DPYD: variants seen among roughly 807,000 people sequenced by gnomAD.
The protein encoded by DPYD is dihydropyrimidine dehydrogenase, also known as dihydropyrimidine dehydrogenase [NADP(+)].
A neutral mutation model predicts 116.2 loss-of-function variants in DPYD; 109 were observed. That is an observed-to-expected ratio of 0.94 (90% CI 0.80 to 1.10). The LOEUF (loss-of-function observed/expected upper bound fraction) is 1.10. DPYD is among the 50% of genes least tolerant of loss of function. DPYD has a pLI of 0.00. For missense variants in DPYD, 1,302 were observed against 1,254.5 expected (o/e 1.04, Z -0.57); for synonymous variants, 440 against 432.0 (o/e 1.02, Z -0.23).
chr1:97,118,497 T>C (rs1652159262), intron 20 of DPYD, among the ~76,000 whole-genome samples: 1 of 152,188 alleles, frequency 6.6e-6, no homozygotes, highest in African/African-American at 2.4e-5. Context: ...CCATGCTTCC[T>C]GGCTTCTGCA....
intron 3 of DPYD, among the ~76,000 whole-genome samples, chr1:97,756,584 T>C (rs938633695): frequency 6.6e-6 from 1 of 152,160 alleles, no homozygotes; most frequent in Non-Finnish European, 1.5e-5. Context: ...ACCTTTTCAT[T>C]AAGCTGTGAA....
intron 18 of DPYD, among the ~76,000 whole-genome samples, chr1:97,303,623 G>A (rs1348727207): frequency 6.6e-6 from 1 of 151,952 alleles, no homozygotes; most frequent in Non-Finnish European, 1.5e-5. Flanking sequence ...ACTTAAGCAA[G>A]CATTACTTTA....
intron 3 of DPYD, among the ~76,000 whole-genome samples, chr1:97,809,739 T>G (rs1451297424): frequency 6.6e-6 from 1 of 151,952 alleles, no homozygotes; most frequent in Non-Finnish European, 1.5e-5. Flanking sequence ...GTGACTGGGT[T>G]AAGGTGGAGA....
chr1:97,415,844 T>C (rs568282752), intron 14 of DPYD, among the ~76,000 whole-genome samples: 21 of 152,332 alleles, frequency 1.4e-4, no homozygotes, highest in African/African-American at 4.8e-4. Context: ...TAGGAAGTAA[T>C]ATCATTTTAA....
Position 97,883,727 on chromosome 1 carries a change from G to A in DPYD, c.40-353C>T, listed in dbSNP as rs766238361. Reference sequence around the variant, plus strand: ...CTCCCAAAGTGCTGGGGTTACAGGTGTGAGCCACCATGTCTGGTAGCATTT... The same window carrying A: ...CTCCCAAAGTGCTGGGGTTACAGGTATGAGCCACCATGTCTGGTAGCATTT... On this transcript the variant is annotated intron_variant, in intron 1 of 22. Transcript: ENST00000370192. 368 of 358,716 alleles carry A rather than the reference G, an allele frequency of 1.0e-3. 3 individuals are homozygous for A. Among genetic ancestry groups the A allele is most frequent in the Non-Finnish European group, 1.6e-3 (310 of 189,232 alleles). 22.2% of individuals were successfully genotyped at this position (358,716 alleles called of 1,614,324 possible).
chr1:97,652,966 G>C (rs1249189181), intron 8 of DPYD, among the ~76,000 whole-genome samples: 1 of 152,112 alleles, frequency 6.6e-6, no homozygotes, highest in East Asian at 1.9e-4. Flanking sequence ...TCAAGTCTCC[G>C]TGTTATGGTG....
chr1:97,719,742 G>C, intron 5 of DPYD: 1 of 984,658 alleles, frequency 1.0e-6, no homozygotes, highest in Non-Finnish European at 1.2e-6. Flanking sequence ...CCAAAAAAAA[G>C]GACAAAAAGC....
At chr1:97,226,385 C>T (rs954813365) in intron 19 of DPYD, among the ~76,000 whole-genome samples, 8 of 151,984 alleles carry the variant, frequency 5.3e-5, no homozygotes, top group African/African-American at 1.9e-4. Flanking sequence ...AAGCCCTAGC[C>T]AGATTAATTA....
intron 16 of DPYD, among the ~76,000 whole-genome samples, chr1:97,344,261 C>T (rs1365746022): frequency 6.6e-6 from 1 of 151,722 alleles, no homozygotes; most frequent in Non-Finnish European, 1.5e-5. Context: ...AGAAGTAGGG[C>T]AGTATGATTC....
chr1:97,723,750 A>G (rs1397549449), intron 4 of DPYD, among the ~76,000 whole-genome samples: 4 of 151,636 alleles, frequency 2.6e-5, no homozygotes, highest in African/African-American at 9.7e-5. Flanking sequence ...TTAAGCTGTC[A>G]AAGTATAATA....
intron 16 of DPYD, among the ~76,000 whole-genome samples, chr1:97,317,946 A>AT (rs961293740): frequency 6.6e-6 from 1 of 152,052 alleles, no homozygotes; most frequent in African/African-American, 2.4e-5. Flanking sequence ...AAGAATTTCA[A>AT]TTTTCAACCC....
At chr1:97,236,418 T>A (rs555215057) in intron 18 of DPYD, among the ~76,000 whole-genome samples, 1 of 151,732 alleles carries the variant, frequency 6.6e-6, no homozygotes, top group African/African-American at 2.4e-5. Context: ...TAAAATAAAA[T>A]AATTAAATAA....
intron 20 of DPYD, among the ~76,000 whole-genome samples, chr1:97,124,149 G>C (rs1652657771): frequency 6.7e-6 from 1 of 149,548 alleles, no homozygotes; most frequent in Non-Finnish European, 1.5e-5. Context: ...GGCCTGATCT[G>C]TAGGAACCAG....
intron 7 of DPYD, among the ~76,000 whole-genome samples, chr1:97,689,941 T>C (rs975873010): frequency 1.1e-4 from 17 of 152,074 alleles, no homozygotes; most frequent in Non-Finnish European, 1.9e-4. Context: ...GCTTGAGAGA[T>C]GGACAAGACA....
At chr1:97,742,247 A>T (rs1057219059) in intron 3 of DPYD, among the ~76,000 whole-genome samples, 8 of 152,232 alleles carry the variant, frequency 5.3e-5, no homozygotes, top group African/African-American at 1.7e-4. Context: ...ACCTTGGTTC[A>T]TTTCCTTCAT....
At chr1:97,386,014 T>C (rs2101582840) in intron 14 of DPYD, among the ~76,000 whole-genome samples, 1 of 152,208 alleles carries the variant, frequency 6.6e-6, no homozygotes, top group African/African-American at 2.4e-5. Flanking sequence ...TTCAGGACAT[T>C]GCGAGAATCA....
At chr1:97,671,016 A>C (rs1044566611) in intron 8 of DPYD, among the ~76,000 whole-genome samples, 3 of 152,096 alleles carry the variant, frequency 2.0e-5, no homozygotes, top group African/African-American at 4.8e-5. Context: ...GATAAACACA[A>C]AGAAGGTAAA....
chr1:97,614,922 G>T (rs760133813), intron 8 of DPYD, among the ~76,000 whole-genome samples: 4 of 151,940 alleles, frequency 2.6e-5, no homozygotes, highest in Non-Finnish European at 4.4e-5. Context: ...AATCAAAGCC[G>T]CCTCTTTTCT....
chr1:97,416,823 C>A (rs1012142666), intron 14 of DPYD, among the ~76,000 whole-genome samples: 1 of 152,164 alleles, frequency 6.6e-6, no homozygotes, highest in African/African-American at 2.4e-5. Flanking sequence ...AGGTGCTCAT[C>A]GAACCCCCTT....
Sources: gnomAD v4.1 joint callset for allele counts (sites outside exome capture counted in the v4.1 genomes callset) on GRCh38, gnomAD v4.1.1 for gene constraint, MANE v1.5 for transcripts, NCBI Gene and HGNC (gene_info 2026-07-23, HGNC 2026-07-21) for gene names.